ZNF804B: variants seen among roughly 807,000 people sequenced by gnomAD.
The protein encoded by ZNF804B is zinc finger protein 804B.
In ZNF804B, 80 loss-of-function variants were observed where a neutral mutation model predicts 101.4. The ratio of observed to expected loss-of-function variants is 0.79; its 90% confidence interval spans 0.66 to 0.95. The LOEUF (loss-of-function observed/expected upper bound fraction) is 0.95. Ranked by LOEUF, ZNF804B falls within the 40% of genes least tolerant of loss-of-function variation. The pLI, the probability that ZNF804B is intolerant of heterozygous loss-of-function variation, is 0.00. For missense variants in ZNF804B, 1,673 were observed against 1,561.9 expected (o/e 1.07, Z -1.20); for synonymous variants, 622 against 558.8 (o/e 1.11, Z -1.59).
chr7:88,851,778 A>G (rs1365568737), intron 1 of ZNF804B, among the ~76,000 whole-genome samples: 1 of 152,160 alleles, frequency 6.6e-6, no homozygotes, highest in East Asian at 1.9e-4. Flanking sequence ...GTTTAAAGCA[A>G]CAGCAATAAC....
intron 1 of ZNF804B, among the ~76,000 whole-genome samples, chr7:89,206,415 A>G (rs1788715191): frequency 6.6e-6 from 1 of 152,214 alleles, no homozygotes; most frequent in Non-Finnish European, 1.5e-5. Flanking sequence ...CTTCCCTTGT[A>G]AACATAAGCT....
At chr7:88,789,401 G>C (rs1562793838) in intron 1 of ZNF804B, among the ~76,000 whole-genome samples, 1 of 152,096 alleles carries the variant, frequency 6.6e-6, no homozygotes, top group African/African-American at 2.4e-5. Context: ...GGAGAATACT[G>C]TTATCTTGCT....
intron 1 of ZNF804B, among the ~76,000 whole-genome samples, chr7:89,121,030 A>G (rs1315076117): frequency 6.6e-6 from 1 of 152,130 alleles, no homozygotes; most frequent in Non-Finnish European, 1.5e-5. Flanking sequence ...TGTGCTCCTT[A>G]TTTCCATTTT....
chr7:88,808,415 A>C (rs893108112), intron 1 of ZNF804B, among the ~76,000 whole-genome samples: 3 of 151,272 alleles, frequency 2.0e-5, no homozygotes, highest in African/African-American at 7.3e-5. Flanking sequence ...CCAGGAAAGT[A>C]GTCTGGATTT....
chr7:89,280,827 T>C (rs925490861), intron 2 of ZNF804B, among the ~76,000 whole-genome samples: 4 of 152,110 alleles, frequency 2.6e-5, no homozygotes, highest in Admixed American at 6.5e-5. Context: ...ACCAGAGGTA[T>C]AAGGAGGAAC....
At position 89,201,572 on chromosome 7, in the gene ZNF804B, G is replaced by A. The variant is rs1279733792; in HGVS notation, c.109-16583G>A. On this transcript the variant is annotated intron_variant, in intron 1 of 3. Transcript: ENST00000333190. ...CTGGGAAAATAATCAAAAGGAGCAT[G>A]TAGTGGAATAATATGAAAAGGATCA... 4.6e-5 allele frequency among the ~76,000 whole-genome samples: 7 copies of A among 151,990 alleles called. No individual in the cohort carries two copies. The East Asian group carries it at 9.7e-4, about 21-fold the overall frequency.
At chr7:89,122,961 G>C (rs1189970379) in intron 1 of ZNF804B, among the ~76,000 whole-genome samples, 4 of 151,900 alleles carry the variant, frequency 2.6e-5, no homozygotes, top group African/African-American at 9.7e-5. Context: ...ATCTGTCCTG[G>C]CTATTGCCAT....
intron 2 of ZNF804B, among the ~76,000 whole-genome samples, chr7:89,248,465 T>TGAAAAAA (rs1554383834): frequency 6.3e-5 from 2 of 31,670 alleles, no homozygotes; most frequent in Non-Finnish European, 1.4e-4. Context: ...CAGCATTCTT[T>TGAAAAAA]GAAAAAAAAA....
At chr7:89,179,175 C>A (rs186242330) in intron 1 of ZNF804B, among the ~76,000 whole-genome samples, 100 of 152,022 alleles carry the variant, frequency 6.6e-4, no homozygotes, top group Non-Finnish European at 1.1e-3. Context: ...ATTTAATAAC[C>A]TTCTTGTACT....
chr7:88,778,577 T>G (rs10236348), intron 1 of ZNF804B, among the ~76,000 whole-genome samples: 3,438 of 152,216 alleles, frequency 0.023, 122 homozygotes, highest in African/African-American at 0.078. Context: ...CCAACAAATA[T>G]TCTTCCCCCT....
chr7:89,094,589 G>A (rs12704428), intron 1 of ZNF804B, among the ~76,000 whole-genome samples: 71,695 of 151,832 alleles, frequency 0.47, 17,437 homozygotes, highest in Non-Finnish European at 0.52. Flanking sequence ...TCGCTGAGAT[G>A]CAGTAGTTTT....
At chr7:89,256,193 A>G (rs900371740) in intron 2 of ZNF804B, among the ~76,000 whole-genome samples, 2 of 152,200 alleles carry the variant, frequency 1.3e-5, no homozygotes, top group African/African-American at 4.8e-5. Flanking sequence ...AGACTTTTAC[A>G]ATATTCTATT....
intron 1 of ZNF804B, among the ~76,000 whole-genome samples, chr7:88,954,563 C>CCT (rs1554349349): frequency 6.6e-6 from 1 of 151,210 alleles, no homozygotes; most frequent in Admixed American, 6.6e-5. Flanking sequence ...ATGCCCCCCC[C>CCT]CCACCACGGG....
At chr7:88,957,153 A>G (rs1211204035) in intron 1 of ZNF804B, among the ~76,000 whole-genome samples, 1 of 151,480 alleles carries the variant, frequency 6.6e-6, no homozygotes, top group Non-Finnish European at 1.5e-5. Flanking sequence ...CATTTAAAGT[A>G]GAAACTTCTG....
intron 1 of ZNF804B, among the ~76,000 whole-genome samples, chr7:88,797,444 T>C (rs1790503524): frequency 6.6e-6 from 1 of 152,180 alleles, no homozygotes; most frequent in Non-Finnish European, 1.5e-5. Flanking sequence ...CTGCTTTCTT[T>C]CCCTCCATAG....
At chr7:89,167,894 A>G (rs570033443) in intron 1 of ZNF804B, among the ~76,000 whole-genome samples, 84 of 152,290 alleles carry the variant, frequency 5.5e-4, no homozygotes, top group Middle Eastern at 3.4e-3. Context: ...AAACCACAAA[A>G]TAAGACCTTC....
intron 1 of ZNF804B, among the ~76,000 whole-genome samples, chr7:88,896,753 T>C (rs868538467): frequency 7.9e-5 from 12 of 152,168 alleles, no homozygotes; most frequent in African/African-American, 2.9e-4. Flanking sequence ...GAATTGAAGA[T>C]GGAGTATGAC....
intron 1 of ZNF804B, among the ~76,000 whole-genome samples, chr7:88,872,173 A>G (rs986993932): frequency 3.9e-5 from 6 of 152,218 alleles, no homozygotes; most frequent in African/African-American, 1.4e-4. Flanking sequence ...TTGAAATGCT[A>G]TAAAATAGGC....
chr7:88,857,181 C>G (rs1190435466), intron 1 of ZNF804B, among the ~76,000 whole-genome samples: 1 of 151,956 alleles, frequency 6.6e-6, no homozygotes, highest in East Asian at 1.9e-4. Flanking sequence ...AATTGACACC[C>G]TAACATCACA....
Sources: allele counts gnomAD v4.1 joint callset (sites outside exome capture counted in the v4.1 genomes callset), GRCh38; gene constraint gnomAD v4.1.1; transcripts MANE v1.5; gene names NCBI Gene and HGNC (gene_info 2026-07-23, HGNC 2026-07-21).